Variants in TDRP observed in about 807,000 individuals in gnomAD.
TDRP encodes the protein testis development-related protein.
Under a neutral mutation model 10.5 loss-of-function variants are expected in TDRP, and 12 were observed. That is an observed-to-expected ratio of 1.15 (90% CI 0.73 to 1.86). The LOEUF is 1.86. TDRP is among the 40% of genes most tolerant of loss of function. The pLI, the probability that TDRP is intolerant of heterozygous loss-of-function variation, is 0.00. For missense variants in TDRP, 353 were observed against 229.2 expected (o/e 1.54, Z -3.49); for synonymous variants, 139 against 95.4 (o/e 1.46, Z -2.67).
chr8:510,182 T>C (rs960678793), intron 1 of TDRP, among the ~76,000 whole-genome samples: 1 of 152,170 alleles, frequency 6.6e-6, no homozygotes, highest in Non-Finnish European at 1.5e-5. Flanking sequence ...GTACGCATAA[T>C]TGGTTAAATA....
chr8:518,853 G>A (rs1327733127), intron 1 of TDRP, among the ~76,000 whole-genome samples: 3 of 152,042 alleles, frequency 2.0e-5, no homozygotes, highest in Admixed American at 6.5e-5. Context: ...ATCAAATACT[G>A]GAGTATGGTA....
In TDRP at chr8:494,541, A is replaced by G. The variant is rs369319852; in HGVS notation, c.165T>C (p.Asp55=). Residue 55 remains aspartate (D), a synonymous_variant, in exon 2 of 3, where the codon GAT becomes GAC. Coordinates refer to ENST00000324079, the MANE Select transcript of TDRP (RefSeq NM_001384899.1). ...WKEVTSLFNK[D]DEQHLLERCK... ...ATCTTTCCAGGAGATGCTGCTCATC[A>G]TCTTTGTTAAACAGTGAAGTCACTT... 8.9e-5 allele frequency: 144 copies of G among 1,613,830 alleles called. No homozygotes were observed. Among genetic ancestry groups the G allele is most frequent in the Non-Finnish European group, 1.2e-4 (144 of 1,179,894 alleles).
At chr8:522,830 C>G (rs1801941578) in intron 1 of TDRP, among the ~76,000 whole-genome samples, 1 of 152,208 alleles carries the variant, frequency 6.6e-6, no homozygotes, top group Non-Finnish European at 1.5e-5. Context: ...TATAAGTAGG[C>G]CACTCCTACT....
intron 1 of TDRP, among the ~76,000 whole-genome samples, chr8:531,801 G>A (rs911524350): frequency 6.6e-6 from 1 of 152,062 alleles, no homozygotes; most frequent in South Asian, 2.1e-4. Context: ...CCAAATATCT[G>A]GCAAAGAATA....
intron 1 of TDRP, among the ~76,000 whole-genome samples, chr8:500,488 C>A (rs932348971): frequency 3.3e-5 from 5 of 152,192 alleles, no homozygotes; most frequent in African/African-American, 1.2e-4. Context: ...CCAATCTTCA[C>A]CTCCTGTAAT....
intron 1 of TDRP, among the ~76,000 whole-genome samples, chr8:524,884 G>A (rs1801998277): frequency 6.6e-6 from 1 of 151,946 alleles, no homozygotes; most frequent in African/African-American, 2.4e-5. Context: ...GAGAGAGAAG[G>A]GTAGAAAGTT....
chr8:540,455 C>T (rs990922854), intron 1 of TDRP, among the ~76,000 whole-genome samples: 1 of 152,120 alleles, frequency 6.6e-6, no homozygotes, highest in African/African-American at 2.4e-5. Context: ...CAATGTTTCC[C>T]ATTAGAAACT....
rs567666858 is a variant in TDRP, at chr8:493,254, A to C, written c.213-510T>G. Among the ~76,000 whole-genome samples the C allele has an allele frequency of 5.3e-5, 8 of 152,370 alleles. No homozygotes were observed. The South Asian group carries it at 6.2e-4, about 12-fold the overall frequency. On this transcript the variant is annotated intron_variant, in intron 2 of 2. Coordinates refer to ENST00000324079, the MANE Select transcript of TDRP (RefSeq NM_001384899.1). ...AAATGGTAGCAAGCGACAGCTAGGGAAGAAAGATCCTAAACTACTCTTCAC... is the reference window on the plus strand; with the variant it reads ...AAATGGTAGCAAGCGACAGCTAGGGCAGAAAGATCCTAAACTACTCTTCAC...
chr8:515,042 G>C (rs891979500), intron 1 of TDRP, among the ~76,000 whole-genome samples: 2 of 152,122 alleles, frequency 1.3e-5, no homozygotes, highest in Non-Finnish European at 2.9e-5. Context: ...ATCAATACTG[G>C]AGACACAGGT....
intron 1 of TDRP, among the ~76,000 whole-genome samples, chr8:497,964 G>A (rs1361948506): frequency 6.6e-6 from 1 of 152,152 alleles, no homozygotes; most frequent in Non-Finnish European, 1.5e-5. Flanking sequence ...TACACAGAAG[G>A]CAGGAGTTTG....
At chr8:506,635 C>G (rs1584860239) in intron 1 of TDRP, among the ~76,000 whole-genome samples, 1 of 152,196 alleles carries the variant, frequency 6.6e-6, no homozygotes, top group Non-Finnish European at 1.5e-5. Context: ...GCTGATACGA[C>G]TCCCCACTAC....
chr8:523,225 T>C (rs149440444), intron 1 of TDRP, among the ~76,000 whole-genome samples: 15 of 152,334 alleles, frequency 9.8e-5, no homozygotes, highest in African/African-American at 2.9e-4. Flanking sequence ...CTTATAGTTA[T>C]AATAATCTAT....
At chr8:506,505 T>C (rs926368699) in intron 1 of TDRP, among the ~76,000 whole-genome samples, 2 of 152,170 alleles carry the variant, frequency 1.3e-5, no homozygotes, top group African/African-American at 4.8e-5. Flanking sequence ...GAGGACTCCC[T>C]TGTTCCAGCC....
intron 1 of TDRP, among the ~76,000 whole-genome samples, chr8:538,427 C>T (rs1039511326): frequency 1.1e-4 from 16 of 152,154 alleles, no homozygotes; most frequent in Admixed American, 1.0e-3. Flanking sequence ...CTCCTTTGTG[C>T]CCATGTGTCA....
At chr8:516,877 T>C (rs961532066) in intron 1 of TDRP, among the ~76,000 whole-genome samples, 1 of 152,168 alleles carries the variant, frequency 6.6e-6, no homozygotes, top group African/African-American at 2.4e-5. Flanking sequence ...CTTCAGCAGG[T>C]GAATGGATAA....
At chr8:520,534 C>T (rs1229755053) in intron 1 of TDRP, among the ~76,000 whole-genome samples, 2 of 152,174 alleles carry the variant, frequency 1.3e-5, no homozygotes, top group African/African-American at 4.8e-5. Flanking sequence ...TTTTCCACAG[C>T]AGCTAAATCA....
intron 1 of TDRP, among the ~76,000 whole-genome samples, chr8:510,964 G>C (rs538041746): frequency 4.2e-4 from 64 of 152,280 alleles, no homozygotes; most frequent in African/African-American, 1.5e-3. Flanking sequence ...GATGAGGGTA[G>C]AAGCAAAGCT....
chr8:501,939 G>C (rs2116740455), intron 1 of TDRP, among the ~76,000 whole-genome samples: 1 of 152,340 alleles, frequency 6.6e-6, no homozygotes, highest in South Asian at 2.1e-4. Context: ...CCCCAGAACA[G>C]TTCTGGACAA....
At chr8:510,369 A>G (rs187695725) in intron 1 of TDRP, among the ~76,000 whole-genome samples, 1 of 152,168 alleles carries the variant, frequency 6.6e-6, no homozygotes, top group Non-Finnish European at 1.5e-5. Flanking sequence ...CACTCTTCTC[A>G]CTCAGGAAAT....
Sources: gnomAD v4.1 joint callset for allele counts (sites outside exome capture counted in the v4.1 genomes callset) on GRCh38, gnomAD v4.1.1 for gene constraint, MANE v1.5 for transcripts, NCBI Gene and HGNC (gene_info 2026-07-23, HGNC 2026-07-21) for gene names.